NAPA: variants seen among roughly 807,000 people sequenced by gnomAD.
NAPA encodes NSF attachment protein alpha.
NAPA carries 18 observed loss-of-function variants against 48.0 expected under a neutral mutation model. The observed-to-expected ratio is 0.38, with a 90% confidence interval of 0.26 to 0.56. The LOEUF (loss-of-function observed/expected upper bound fraction) is 0.56. Ranked by LOEUF, NAPA falls within the 20% of genes least tolerant of loss-of-function variation. The pLI is 0.77. For missense variants in NAPA, 315 were observed against 385.0 expected, an observed-to-expected ratio of 0.82 and a Z score of 1.52; for synonymous variants, 152 against 149.9, an observed-to-expected ratio of 1.01 and a Z score of -0.10.
intron 7 of NAPA, chr19:47,492,744 GGA>G: frequency 2.9e-6 from 2 of 686,684 alleles, no homozygotes; most frequent in Non-Finnish European, 5.3e-6. Flanking sequence ...GCACAGCCAG[GGA>G]GAGAGACGGT....
chr19:47,486,094 G>T (rs1434600775), downstream of NAPA, among the ~76,000 whole-genome samples: 1 of 152,226 alleles, frequency 6.6e-6, no homozygotes, highest in African/African-American at 2.4e-5. Context: ...GGTGGCTCAT[G>T]CCTGTAATTC....
intron 1 of NAPA, among the ~76,000 whole-genome samples, chr19:47,513,908 G>A (rs1445237124): frequency 2.3e-5 from 2 of 86,280 alleles, no homozygotes; most frequent in Non-Finnish European, 5.4e-5. Context: ...GTAGTGCAGT[G>A]GCTCGATCTC....
intron 3 of NAPA, among the ~76,000 whole-genome samples, chr19:47,499,685 C>G (rs564300905): frequency 6.6e-6 from 1 of 152,348 alleles, no homozygotes; most frequent in South Asian, 2.1e-4. Flanking sequence ...CAAATTCATC[C>G]TCATCTGGGA....
At position 47,490,005 on chromosome 19, in the gene NAPA, ATG is replaced by A. The variant is rs761953603; in HGVS notation, c.736-246_736-245del. Among the ~76,000 whole-genome samples the A allele has an allele frequency of 2.6e-5, 4 of 151,548 alleles. No individual in the cohort carries two copies. The South Asian group carries it at 6.3e-4, about 24-fold the overall frequency. ...TTACCAACATAGAACATCACACAGA[ATG>A]TGTGTGTGTGTGGGTATGGGGGGTG... On this transcript the variant is annotated intron_variant, in intron 9 of 10. Coordinates refer to ENST00000263354, the MANE Select transcript of NAPA (RefSeq NM_003827.4).
intron 3 of NAPA, among the ~76,000 whole-genome samples, chr19:47,498,794 G>A (rs543614032): frequency 3.7e-4 from 56 of 152,320 alleles, no homozygotes; most frequent in Middle Eastern, 6.8e-3. Flanking sequence ...GCCCCACTGG[G>A]AGTCATGGCT....
At chr19:47,510,938 T>A (rs1170606686) in intron 1 of NAPA, among the ~76,000 whole-genome samples, 1 of 152,224 alleles carries the variant, frequency 6.6e-6, no homozygotes, top group Admixed American at 6.5e-5. Flanking sequence ...TCGCCTTCAG[T>A]GGCTGCTGGT....
chr19:47,490,206 T>TGG (rs1208628012), intron 9 of NAPA, among the ~76,000 whole-genome samples: 1 of 135,552 alleles, frequency 7.4e-6, no homozygotes, highest in Non-Finnish European at 1.6e-5. Context: ...TGTGTGTGTG[T>TGG]GGGGTGTGTC....
intron 9 of NAPA, 71 bp from the exon 10 acceptor site, chr19:47,489,832 G>A (rs763674013): frequency 3.3e-6 from 5 of 1,533,996 alleles, no homozygotes; most frequent in Non-Finnish European, 4.5e-6. Context: ...TAGATGAAAG[G>A]ACACGCTATC....
At chr19:47,511,291 G>A (rs1470099839) in intron 1 of NAPA, among the ~76,000 whole-genome samples, 1 of 152,148 alleles carries the variant, frequency 6.6e-6, no homozygotes, top group African/African-American at 2.4e-5. Flanking sequence ...ATTCCCGCCC[G>A]CCAAGCAGGT....
At chr19:47,496,668 G>C (rs561721892) in intron 3 of NAPA, 8 of 282,564 alleles carry the variant, frequency 2.8e-5, no homozygotes, top group Non-Finnish European at 5.8e-5. Flanking sequence ...CCTGAGAAGA[G>C]GGTGCTACCA....
chr19:47,508,757 C>T (rs1441640889), intron 1 of NAPA, among the ~76,000 whole-genome samples: 2 of 152,060 alleles, frequency 1.3e-5, no homozygotes, highest in Non-Finnish European at 2.9e-5. Flanking sequence ...CCTGCCTCTG[C>T]TCCCAAAGTG....
downstream of NAPA, among the ~76,000 whole-genome samples, chr19:47,486,838 C>T (rs946691452): frequency 6.6e-6 from 1 of 152,200 alleles, no homozygotes; most frequent in African/African-American, 2.4e-5. Context: ...GAATTTGAAC[C>T]TCACCTGCAC....
chr19:47,502,492 A>G (rs962345934), intron 2 of NAPA, among the ~76,000 whole-genome samples: 10 of 152,266 alleles, frequency 6.6e-5, no homozygotes, highest in African/African-American at 2.4e-4. Flanking sequence ...TAACTCTTTG[A>G]ATTTTGGGGA....
At position 47,506,333 on chromosome 19, in the gene NAPA, G is replaced by A. The variant is rs900553089; in HGVS notation, c.99-2831C>T. Among the ~76,000 whole-genome samples, 1 of 152,102 alleles carries A rather than the reference G, an allele frequency of 6.6e-6. No individual in the cohort carries two copies. Among genetic ancestry groups the A allele is most frequent in the Admixed American group, 6.6e-5 (1 of 15,264 alleles). ...TCTTTAGAACCCATTCCTGGCCTTGGAGAGGTAAGAAACTTTCAAAACCTT... is the reference window on the plus strand; with the variant it reads ...TCTTTAGAACCCATTCCTGGCCTTGAAGAGGTAAGAAACTTTCAAAACCTT... On this transcript the variant is annotated intron_variant, in intron 1 of 10. Transcript: ENST00000263354. The surrounding 1 kb of genome is among the most constrained non-coding windows in gnomAD (Gnocchi z 4.0).
rs1427640251 is a variant in NAPA, at chr19:47,493,321, C to T, written c.420+95G>A. ...CTGCCGGCGCCCCATGCCCCCTTCTCGGCACTCAGACACCAGAGGACTCCC... is the reference window on the plus strand; with the variant it reads ...CTGCCGGCGCCCCATGCCCCCTTCTTGGCACTCAGACACCAGAGGACTCCC... On this transcript the variant is annotated intron_variant, in intron 5 of 10. Coordinates refer to ENST00000263354, the MANE Select transcript of NAPA (RefSeq NM_003827.4). This position sits in a 1 kb window ranked among gnomAD's most constrained non-coding sequence, Gnocchi z 6.4. The T allele has an allele frequency of 5.3e-6, 8 of 1,517,732 alleles. No individual in the cohort carries two copies. The highest frequency in any genetic ancestry group is 4.1e-5 in the African/African-American group (3 of 73,064). 94.0% of individuals were successfully genotyped at this position (1,517,732 alleles called of 1,614,324 possible). A position where few individuals can be genotyped will look rare whatever the true frequency, so the allele number is the denominator to read the frequency against.
At chr19:47,490,080 G>A (rs534532297) in intron 9 of NAPA, among the ~76,000 whole-genome samples, 2 of 150,854 alleles carry the variant, frequency 1.3e-5, no homozygotes, top group Admixed American at 1.3e-4. Flanking sequence ...TGTGTGGTGT[G>A]TGTGTTGGGG....
chr19:47,495,849 T>G (rs1420199996), intron 3 of NAPA: 2 of 511,506 alleles, frequency 3.9e-6, no homozygotes, highest in Non-Finnish European at 7.1e-6. Flanking sequence ...GGGGGAGCCC[T>G]TCTCTCCTCG....
chr19:47,514,743 C>T, intron 1 of NAPA, 100 bp downstream of exon 1: 1 of 1,155,698 alleles, frequency 8.7e-7, no homozygotes, highest in South Asian at 1.4e-5. Flanking sequence ...CTCTCCGTCC[C>T]CTCGGCCCGA....
intron 1 of NAPA, among the ~76,000 whole-genome samples, chr19:47,509,885 AG>A (rs1188896174): frequency 2.6e-5 from 4 of 152,208 alleles, no homozygotes; most frequent in African/African-American, 7.2e-5. Context: ...CCACAGACCA[AG>A]GGCGAATGTA....
Sources: gnomAD v4.1 joint callset for allele counts (sites outside exome capture counted in the v4.1 genomes callset) on GRCh38, gnomAD v4.1.1 for gene constraint, Gnocchi (gnomAD v3.1) non-coding constraint, MANE v1.5 for transcripts, NCBI Gene and HGNC (gene_info 2026-07-23, HGNC 2026-07-21) for gene names.